IL1RAPL2: variants seen among roughly 807,000 people sequenced by gnomAD.
The protein encoded by IL1RAPL2 is interleukin 1 receptor accessory protein like 2.
Under a neutral mutation model 44.1 loss-of-function variants are expected in IL1RAPL2, and 3 were observed. The ratio of observed to expected loss-of-function variants is 0.07; its 90% CI spans 0.03 to 0.18. The LOEUF is 0.18. Among genes scored for constraint, IL1RAPL2 ranks in the 10% least tolerant of loss-of-function variants. The probability of loss-of-function intolerance (pLI) is 1.00; values close to 1 mark genes in which losing one functional copy is unlikely to be tolerated. For synonymous variants in IL1RAPL2, 181 were observed against 178.8 expected (o/e 1.01, Z -0.10); for missense variants, 391 against 496.4 (o/e 0.79, Z 2.02).
intron 2 of IL1RAPL2, among the ~76,000 whole-genome samples, chrX:105,042,378 C>A (rs1418957046): frequency 1.0e-3 from 116 of 110,507 alleles, no homozygotes; most frequent in African/African-American, 3.7e-3. Context: ...AACAAATTTA[C>A]AAGAAAGAAA....
chrX:104,912,024 AT>A (rs1924254649), intron 2 of IL1RAPL2, among the ~76,000 whole-genome samples: 1 of 111,564 alleles, frequency 9.0e-6, no homozygotes, highest in African/African-American at 3.3e-5. Flanking sequence ...TCTGTATCCC[AT>A]TAACCTTCTT....
intron 2 of IL1RAPL2, among the ~76,000 whole-genome samples, chrX:105,021,016 A>G (rs1372605433): frequency 8.9e-6 from 1 of 111,888 alleles, no homozygotes; most frequent in Non-Finnish European, 1.9e-5. Context: ...ACAAAGCCAC[A>G]CTGCAAAATC....
chrX:105,209,752 A>T lies in IL1RAPL2; in HGVS notation c.356+14004A>T, dbSNP rs192416973. Among the ~76,000 whole-genome samples, 11 of 112,205 alleles carry T rather than the reference A, an allele frequency of 9.8e-5. No individual in the cohort carries two copies. In the East Asian group the frequency reaches 3.1e-3, roughly 31 times the overall value. ...AAACTTTAATAGGCATAACACAGGA[A>T]ATCATGAAAATGTTAATATCTTTCC... On this transcript the variant is annotated intron_variant, in intron 3 of 10. Coordinates refer to ENST00000372582, the MANE Select transcript of IL1RAPL2 (RefSeq NM_017416.2).
At chrX:105,086,696 G>GTA (rs761051979) in intron 2 of IL1RAPL2, among the ~76,000 whole-genome samples, 7 of 66,255 alleles carry the variant, frequency 1.1e-4, no homozygotes, top group South Asian at 5.4e-4. Context: ...ATTCTACATT[G>GTA]TATATATATG....
chrX:104,723,780 G>C (rs1822691461), intron 2 of IL1RAPL2, among the ~76,000 whole-genome samples: 1 of 111,047 alleles, frequency 9.0e-6, no homozygotes, highest in South Asian at 3.8e-4. Context: ...AAACTTAGAA[G>C]GTAGCAAAAA....
chrX:105,264,540 A>G (rs1425737222), intron 4 of IL1RAPL2, among the ~76,000 whole-genome samples: 1 of 111,433 alleles, frequency 9.0e-6, no homozygotes, highest in Non-Finnish European at 1.9e-5. Context: ...CTGAGAGTCT[A>G]TATAGGCATC....
At chrX:104,715,802 A>G (rs765143924) in intron 2 of IL1RAPL2, among the ~76,000 whole-genome samples, 2 of 111,330 alleles carry the variant, frequency 1.8e-5, no homozygotes, top group East Asian at 5.7e-4. Context: ...AAACAAATGG[A>G]AAAACATTCC....
At chrX:104,601,717 A>G in intron 1 of IL1RAPL2, among the ~76,000 whole-genome samples, 1 of 112,093 alleles carries the variant, frequency 8.9e-6, no homozygotes, top group African/African-American at 3.2e-5. Context: ...TATGGCTATT[A>G]TTAAGCCACA....
intron 2 of IL1RAPL2, among the ~76,000 whole-genome samples, chrX:104,993,759 A>C (rs1357660995): frequency 9.0e-6 from 1 of 111,674 alleles, no homozygotes; most frequent in Non-Finnish European, 1.9e-5. Context: ...TTTACATATA[A>C]GTAATCTAAA....
At chrX:104,786,762 C>T (rs770659663) in intron 2 of IL1RAPL2, among the ~76,000 whole-genome samples, 11 of 111,258 alleles carry the variant, frequency 9.9e-5, no homozygotes, top group South Asian at 7.6e-4. Context: ...GCTAGGGGAA[C>T]GAGACAAACA....
chrX:104,719,994 T>C (rs1465445742), intron 2 of IL1RAPL2, among the ~76,000 whole-genome samples: 1 of 111,446 alleles, frequency 9.0e-6, no homozygotes, highest in Non-Finnish European at 1.9e-5. Context: ...ATACAAGAAC[T>C]GTGGAGAATA....
At chrX:104,844,558 G>A in intron 2 of IL1RAPL2, among the ~76,000 whole-genome samples, 1 of 110,256 alleles carries the variant, frequency 9.1e-6, no homozygotes, top group South Asian at 3.9e-4. Flanking sequence ...GATTATCTTG[G>A]GCCACACATA....
chrX:105,672,094 T>A (rs1212252343), intron 6 of IL1RAPL2, among the ~76,000 whole-genome samples: 2 of 112,091 alleles, frequency 1.8e-5, no homozygotes, highest in East Asian at 5.6e-4. Flanking sequence ...TTGCTGGAGT[T>A]TTTTTATTAT....
intron 2 of IL1RAPL2, among the ~76,000 whole-genome samples, chrX:104,710,173 A>G (rs1483696271): frequency 8.1e-5 from 9 of 111,517 alleles, no homozygotes; most frequent in Admixed American, 2.9e-4. Context: ...ACTCCAACAA[A>G]TACATGTACA....
intron 2 of IL1RAPL2, among the ~76,000 whole-genome samples, chrX:104,760,252 G>A (rs1932404445): frequency 8.9e-6 from 1 of 112,154 alleles, no homozygotes; most frequent in Admixed American, 9.5e-5. Flanking sequence ...TGGAGGTGTA[G>A]ATACTTCTTG....
chrX:105,267,591 T>A, intron 5 of IL1RAPL2, 50 bp downstream of exon 5: 1 of 1,031,146 alleles, frequency 9.7e-7, no homozygotes, highest in South Asian at 2.4e-5. Context: ...TAAGTATAAT[T>A]TGGTTTGGGA....
At chrX:105,658,829 G>T (rs773859620) in intron 6 of IL1RAPL2, among the ~76,000 whole-genome samples, 5 of 109,388 alleles carry the variant, frequency 4.6e-5, no homozygotes, top group African/African-American at 1.7e-4. Flanking sequence ...AGGCATGGTG[G>T]CACGTGCCTT....
At chrX:105,163,854 C>T (rs2033348345) in intron 2 of IL1RAPL2, among the ~76,000 whole-genome samples, 1 of 111,007 alleles carries the variant, frequency 9.0e-6, no homozygotes, top group Non-Finnish European at 1.9e-5. Flanking sequence ...TGTCATGTCA[C>T]TGAACTTTAT....
At chrX:105,065,628 C>T (rs940471833) in intron 2 of IL1RAPL2, among the ~76,000 whole-genome samples, 2 of 111,806 alleles carry the variant, frequency 1.8e-5, no homozygotes, top group Admixed American at 9.5e-5. Context: ...CATTGCAAAA[C>T]GTACAAAATA....
Sources: gnomAD v4.1 joint callset for allele counts (sites outside exome capture counted in the v4.1 genomes callset) on GRCh38, gnomAD v4.1.1 for gene constraint, MANE v1.5 for transcripts, NCBI Gene and HGNC (gene_info 2026-07-23, HGNC 2026-07-21) for gene names.